Variants in DPY19L1 observed in about 807,000 individuals in gnomAD.
The protein encoded by DPY19L1 is protein C-mannosyl-transferase DPY19L1.
DPY19L1 carries 35 observed loss-of-function variants against 96.9 expected under a neutral mutation model. The observed-to-expected ratio is 0.36, with a 90% CI of 0.28 to 0.48. The LOEUF is 0.48. Among genes scored for constraint, DPY19L1 ranks in the 20% least tolerant of loss-of-function variants. DPY19L1 has a pLI of 0.99. For missense variants in DPY19L1, 521 were observed against 777.9 expected (o/e 0.67, Z 3.93); for synonymous variants, 205 against 252.6 (o/e 0.81, Z 1.79).
At chr7:35,035,457 A>G (rs1786369076) in intron 1 of DPY19L1, among the ~76,000 whole-genome samples, 1 of 152,248 alleles carries the variant, frequency 6.6e-6, no homozygotes, top group African/African-American at 2.4e-5. Context: ...AGCAATAAAT[A>G]TCATTATTCT....
At chr7:34,983,265 A>C (rs894141188) in intron 7 of DPY19L1, among the ~76,000 whole-genome samples, 1 of 152,210 alleles carries the variant, frequency 6.6e-6, no homozygotes, top group African/African-American at 2.4e-5. Flanking sequence ...AGACATGCAA[A>C]GTAGCAGGAA....
intron 10 of DPY19L1, among the ~76,000 whole-genome samples, chr7:34,960,968 C>T (rs938666745): frequency 9.9e-5 from 15 of 152,204 alleles, no homozygotes; most frequent in Admixed American, 3.3e-4. Context: ...AATTTAACTA[C>T]GTAAAAAACC....
At chr7:34,949,758 C>T (rs1157283373) in intron 14 of DPY19L1, 39 bp downstream of exon 14, 17 of 1,350,926 alleles carry the variant, frequency 1.3e-5, no homozygotes, top group Non-Finnish European at 1.8e-5. Flanking sequence ...AATGTATGGG[C>T]CAAAACCTTA....
At chr7:34,948,788 C>G (rs897681359) in intron 14 of DPY19L1, among the ~76,000 whole-genome samples, 1 of 152,230 alleles carries the variant, frequency 6.6e-6, no homozygotes, top group Non-Finnish European at 1.5e-5. Context: ...AACACTAAAA[C>G]TCATATACCT....
intron 3 of DPY19L1, 72 bp downstream of exon 3, chr7:35,017,810 T>C: frequency 8.2e-7 from 1 of 1,216,842 alleles, no homozygotes; most frequent in Non-Finnish European, 1.1e-6. Context: ...TCTTGAAATT[T>C]TCCATAATAA....
chr7:34,949,701 T>C lies in DPY19L1; in HGVS notation c.1422+96A>G, dbSNP rs2128784262. The C allele has an allele frequency of 1.6e-5, 12 of 756,772 alleles. No homozygotes were observed. The South Asian group carries it at 1.6e-4, about 10-fold the overall frequency. 46.9% of individuals were successfully genotyped at this position (756,772 alleles called of 1,614,324 possible). A position where few individuals can be genotyped will look rare whatever the true frequency, so the allele number is the denominator to read the frequency against. The stretch of plus-strand genomic sequence containing the variant: ...ATTTTCCTTTTCCTTCAAACTGAGA[T>C]AACAGCACATAAAGAGTCTGATATA... On this transcript the variant is annotated intron_variant, in intron 14 of 21. Transcript: ENST00000638088.
intron 6 of DPY19L1, among the ~76,000 whole-genome samples, chr7:35,003,217 G>A (rs1445640489): frequency 1.3e-5 from 2 of 152,154 alleles, no homozygotes; most frequent in Non-Finnish European, 2.9e-5. Flanking sequence ...TAGAAGATGA[G>A]GTCTACCAAA....
chr7:34,939,956 A>G (rs1374189732), intron 19 of DPY19L1, among the ~76,000 whole-genome samples, 197 bp downstream of exon 19: 2 of 152,314 alleles, frequency 1.3e-5, no homozygotes, highest in African/African-American at 4.8e-5. Context: ...TACTAAGAAC[A>G]TATGTATAAC....
At chr7:35,010,308 A>T (rs1350780186) in intron 6 of DPY19L1, among the ~76,000 whole-genome samples, 160 bp downstream of exon 6, 1 of 152,196 alleles carries the variant, frequency 6.6e-6, no homozygotes, top group African/African-American at 2.4e-5. Context: ...GTGATGGGCC[A>T]TGGCAGTGGT....
chr7:34,952,909 T>C (rs1218378277), intron 13 of DPY19L1, among the ~76,000 whole-genome samples: 2 of 152,142 alleles, frequency 1.3e-5, no homozygotes, highest in African/African-American at 2.4e-5. Context: ...ACTGAGAAAC[T>C]GTGGGTAAAA....
At chr7:34,967,006 T>C in intron 9 of DPY19L1, 35 bp from the exon 10 acceptor site, 1 of 1,422,208 alleles carries the variant, frequency 7.0e-7, no homozygotes. Context: ...GTAAAAAAGA[T>C]AAAATGAATA....
intron 7 of DPY19L1, among the ~76,000 whole-genome samples, chr7:34,977,865 CATTT>C (rs1338353601): frequency 6.6e-6 from 1 of 151,548 alleles, no homozygotes; most frequent in Non-Finnish European, 1.5e-5. Flanking sequence ...ATAAGAAATA[CATTT>C]ATTGTGAAAA....
rs889294484 is a variant in DPY19L1 at position 34,941,665 on chromosome 7, C to T, written c.1689+100G>A. On this transcript the variant is annotated intron_variant, in intron 18 of 21. Coordinates refer to ENST00000638088, the MANE Select transcript of DPY19L1 (RefSeq NM_001366673.1). ...AGTACAAAACCATGAAGAGCTTTAA[C>T]TATAATCACTTAAAAGACTTTGTAA... 4 of 845,028 alleles carry T rather than the reference C, an allele frequency of 4.7e-6. No homozygotes were observed. The Admixed American group carries it at 7.7e-5, about 16-fold the overall frequency. 52.3% of individuals were successfully genotyped at this position (845,028 alleles called of 1,614,324 possible). A position where few individuals can be genotyped will look rare whatever the true frequency, so the allele number is the denominator to read the frequency against.
intron 1 of DPY19L1, among the ~76,000 whole-genome samples, chr7:35,021,481 T>C (rs1286105214): frequency 6.6e-6 from 1 of 152,194 alleles, no homozygotes; most frequent in Non-Finnish European, 1.5e-5. Context: ...CTTTTTTTCA[T>C]TTCAACTCAG....
At chr7:34,987,327 A>C (rs2128671579) in intron 7 of DPY19L1, among the ~76,000 whole-genome samples, 1 of 152,184 alleles carries the variant, frequency 6.6e-6, no homozygotes, top group Admixed American at 6.5e-5. Context: ...CATTATTATA[A>C]ACCCTTTTAC....
Position 35,011,373 on chromosome 7 carries a change from C to T in DPY19L1, c.627G>A (p.Thr209=), listed in dbSNP as rs771787918. Residue 209 remains threonine, a synonymous_variant, in exon 5 of 22, where the codon ACG becomes ACA. Coordinates refer to ENST00000638088, the MANE Select transcript of DPY19L1 (RefSeq NM_001366673.1). ...GACTGAGTCCTTCTCCTCTGGTAAC[C>T]GTCCAACATATCTTGGTTTGAATAC... ...LIGIQTKICW[T]VTRGEGLSPI... 6.8e-6 allele frequency: 11 copies of T among 1,613,466 alleles called. No homozygotes were observed. The highest frequency in any genetic ancestry group is 5.1e-6 in the Non-Finnish European group (6 of 1,179,852).
At chr7:34,943,458 A>C (rs1302165301) in intron 16 of DPY19L1, among the ~76,000 whole-genome samples, 8 of 152,318 alleles carry the variant, frequency 5.3e-5, no homozygotes, top group East Asian at 3.9e-4. Flanking sequence ...CTATATTCTG[A>C]CTGACTTCAG....
intron 8 of DPY19L1, among the ~76,000 whole-genome samples, chr7:34,972,116 TCTCCCAAGAAAGGCAGGCAGC>T (rs1445878488): frequency 1.3e-5 from 2 of 152,048 alleles, no homozygotes; most frequent in East Asian, 1.9e-4. Context: ...ATGCAGGCAG[TCTCCCAAGAAAGGCAGGCAGC>T]CTCCCAAGAA....
intron 10 of DPY19L1, among the ~76,000 whole-genome samples, chr7:34,965,411 T>C (rs1316395684): frequency 6.6e-6 from 1 of 152,154 alleles, no homozygotes; most frequent in African/African-American, 2.4e-5. Context: ...TTACAAAGAA[T>C]GTGAACATTT....
Sources: gnomAD v4.1 joint callset for allele counts (sites outside exome capture counted in the v4.1 genomes callset) on GRCh38, gnomAD v4.1.1 for gene constraint, MANE v1.5 for transcripts, NCBI Gene and HGNC (gene_info 2026-07-23, HGNC 2026-07-21) for gene names.